Variants in TAB2 observed in about 807,000 individuals in gnomAD.
The protein encoded by TAB2 is TGF-beta activated kinase 1 (MAP3K7) binding protein 2.
TAB2 carries 3 observed loss-of-function variants against 65.0 expected under a neutral mutation model. The observed-to-expected ratio is 0.05, with a 90% confidence interval of 0.02 to 0.12. The LOEUF (loss-of-function observed/expected upper bound fraction) is 0.12, where lower values mean the gene tolerates loss of function less well. TAB2 is among the 10% of genes least tolerant of loss of function. TAB2 has a pLI of 1.00. For synonymous variants in TAB2, 298 were observed against 285.1 expected (o/e 1.05, Z -0.46); for missense variants, 623 against 840.3 (o/e 0.74, Z 3.20).
chr6:149,400,417 A>T (rs1324743344), intron 6 of TAB2: 2 of 1,614,224 alleles, frequency 1.2e-6, no homozygotes, highest in East Asian at 2.2e-5. Flanking sequence ...CCCACAGAAG[A>T]AGTCAAGACT....
intron 1 of TAB2, among the ~76,000 whole-genome samples, chr6:149,235,731 T>C (rs1462683196): frequency 1.3e-5 from 2 of 152,208 alleles, no homozygotes; most frequent in Non-Finnish European, 2.9e-5. Context: ...CCTTGGTGCT[T>C]GTGTCACCCT....
intron 1 of TAB2, among the ~76,000 whole-genome samples, chr6:149,223,537 T>G (rs1404315426): frequency 6.6e-6 from 1 of 152,212 alleles, no homozygotes; most frequent in African/African-American, 2.4e-5. Context: ...GAAAATACTT[T>G]CAATTTGAAA....
intron 1 of TAB2, among the ~76,000 whole-genome samples, chr6:149,252,895 C>T (rs2114656694): frequency 6.6e-6 from 1 of 152,260 alleles, no homozygotes; most frequent in South Asian, 2.1e-4. Flanking sequence ...AAGAACTTGC[C>T]TTTGGTCCCA....
At chr6:149,326,347 A>G (rs1583091069) in intron 1 of TAB2, among the ~76,000 whole-genome samples, 3 of 151,888 alleles carry the variant, frequency 2.0e-5, no homozygotes, top group African/African-American at 7.2e-5. Flanking sequence ...CACATTCTGT[A>G]GTGTATATAC....
intron 3 of TAB2, among the ~76,000 whole-genome samples, chr6:149,384,829 G>A (rs1439481357): frequency 1.3e-5 from 2 of 151,946 alleles, no homozygotes; most frequent in East Asian, 3.8e-4. Flanking sequence ...AGAGAAAAAG[G>A]CCTACTTTCT....
intron 1 of TAB2, among the ~76,000 whole-genome samples, chr6:149,323,215 G>T (rs1779508060): frequency 6.6e-6 from 1 of 152,054 alleles, no homozygotes. Flanking sequence ...ATTATGCAAA[G>T]TCTCTTAAAT....
intron 1 of TAB2, 110 bp downstream of exon 1, chr6:149,318,125 TGC>T (rs1378312883): frequency 1.3e-5 from 2 of 153,844 alleles, no homozygotes; most frequent in Non-Finnish European, 2.9e-5. Flanking sequence ...GCGAGGCCCG[TGC>T]GGGGCGTTCG....
chr6:149,334,811 T>C (rs1779886626), intron 1 of TAB2, among the ~76,000 whole-genome samples: 2 of 152,300 alleles, frequency 1.3e-5, no homozygotes, highest in African/African-American at 4.8e-5. Context: ...GTGAAAGTAA[T>C]CAGTGAAACT....
chr6:149,378,891 A>G lies in TAB2; in HGVS notation c.976A>G (p.Ile326Val). 6.2e-7 allele frequency: 1 copy of G among 1,614,188 alleles called. No individual in the cohort carries two copies. Among genetic ancestry groups the G allele is most frequent in the South Asian group, 1.1e-5 (1 of 91,082 alleles). ...NISTGPRKNQ[I>V]EIKLEPPQRN... ...TTCAACAGGACCTCGAAAAAACCAG[A>G]TTGAAATCAAACTTGAACCCCCACA... The change falls in exon 3 of 7, where the codon ATT becomes GTT. Residue 326 changes from isoleucine to valine, a missense_variant. Coordinates refer to ENST00000637181, the MANE Select transcript of TAB2 (RefSeq NM_001292034.3).
chr6:149,318,210 G>C (rs902941685), intron 1 of TAB2, among the ~76,000 whole-genome samples, 195 bp downstream of exon 1: 5 of 151,756 alleles, frequency 3.3e-5, no homozygotes, highest in Non-Finnish European at 1.5e-5. Flanking sequence ...GAGGCCCCCC[G>C]AGTCCCCCAG....
At chr6:149,382,527 C>T (rs1781646657) in intron 3 of TAB2, among the ~76,000 whole-genome samples, 1 of 151,388 alleles carries the variant, frequency 6.6e-6, no homozygotes, top group Non-Finnish European at 1.5e-5. Context: ...GCCCGGGAGG[C>T]AGAGGTTGCA....
intron 1 of TAB2, among the ~76,000 whole-genome samples, chr6:149,367,688 T>C (rs950719900): frequency 6.6e-6 from 1 of 152,170 alleles, no homozygotes; most frequent in Non-Finnish European, 1.5e-5. Context: ...TGAATTATGA[T>C]GGTGGCTTGG....
intron 3 of TAB2, among the ~76,000 whole-genome samples, chr6:149,380,613 G>C (rs1367096161): frequency 1.3e-5 from 2 of 152,114 alleles, no homozygotes; most frequent in Admixed American, 6.6e-5. Context: ...AGAAGGTGGA[G>C]GTTATTCATT....
At chr6:149,373,432 A>G (rs139131225) in intron 2 of TAB2, among the ~76,000 whole-genome samples, 1 of 152,274 alleles carries the variant, frequency 6.6e-6, no homozygotes, top group East Asian at 1.9e-4. Context: ...CATTGTCCTT[A>G]TCCATATTTC....
intron 4 of TAB2, 88 bp from the exon 5 acceptor site, chr6:149,397,881 C>T: frequency 1.3e-6 from 2 of 1,575,428 alleles, no homozygotes; most frequent in South Asian, 1.1e-5. Context: ...GTTTTTCTGT[C>T]CTTACTTTCT....
At chr6:149,270,168 G>T (rs564566770) in intron 1 of TAB2, among the ~76,000 whole-genome samples, 1 of 152,244 alleles carries the variant, frequency 6.6e-6, no homozygotes, top group East Asian at 1.9e-4. Context: ...TTGTGGTCTT[G>T]ATTTGCATTT....
At chr6:149,232,195 C>A (rs1013674313) in intron 1 of TAB2, among the ~76,000 whole-genome samples, 3 of 152,032 alleles carry the variant, frequency 2.0e-5, no homozygotes, top group African/African-American at 7.2e-5. Context: ...GCCTCGGGGA[C>A]CACCAGCCAA....
chr6:149,237,200 TA>T (rs1302802030), intron 1 of TAB2, among the ~76,000 whole-genome samples: 1 of 152,228 alleles, frequency 6.6e-6, no homozygotes, highest in Non-Finnish European at 1.5e-5. Context: ...AAACCATGGA[TA>T]ATACATGAGC....
intron 1 of TAB2, among the ~76,000 whole-genome samples, chr6:149,269,227 G>C (rs1778317533): frequency 6.6e-6 from 1 of 152,180 alleles, no homozygotes; most frequent in Non-Finnish European, 1.5e-5. Flanking sequence ...CATCCTTTGA[G>C]TAAATTGTAA....
Sources: gnomAD v4.1 joint callset for allele counts (sites outside exome capture counted in the v4.1 genomes callset) on GRCh38, gnomAD v4.1.1 for gene constraint, MANE v1.5 for transcripts, NCBI Gene and HGNC (gene_info 2026-07-23, HGNC 2026-07-21) for gene names.